ZFYVE16: variants seen among roughly 807,000 people sequenced by gnomAD.
ZFYVE16 encodes the protein zinc finger FYVE-type containing 16.
ZFYVE16 carries 89 observed loss-of-function variants against 138.1 expected under a neutral mutation model. The observed-to-expected ratio is 0.64, with a 90% confidence interval of 0.54 to 0.77. ZFYVE16 has a LOEUF of 0.77. Among genes scored for constraint, ZFYVE16 ranks in the 30% least tolerant of loss-of-function variants. The probability of loss-of-function intolerance (pLI) is 0.00; values close to 1 mark genes in which losing one functional copy is unlikely to be tolerated. For missense variants in ZFYVE16, 1,793 were observed against 1,786.7 expected (o/e 1.00, Z -0.06); for synonymous variants, 596 against 618.3 (o/e 0.96, Z 0.53).
intron 1 of ZFYVE16, among the ~76,000 whole-genome samples, chr5:80,425,299 C>T (rs1400994525): frequency 3.9e-5 from 6 of 152,156 alleles, no homozygotes; most frequent in Admixed American, 3.9e-4. Context: ...CTCTTAAGCT[C>T]TGCCTAATTT....
chr5:80,413,756 G>A (rs1217677305), intron 1 of ZFYVE16, among the ~76,000 whole-genome samples: 2 of 152,164 alleles, frequency 1.3e-5, no homozygotes, highest in Non-Finnish European at 2.9e-5. Context: ...ATTGAGAAAG[G>A]CTGCTCCAGA....
chr5:80,437,512 G>A lies in ZFYVE16; in HGVS notation c.827G>A (p.Gly276Asp), dbSNP rs1410353346. ...CCATGTGGATTACTAAAAGATGTTG[G>A]CTTAGTAAAAGAGGAAGTAGATGTG... is the stretch of plus-strand genomic sequence containing the variant. ...SQPCGLLKDV[G>D]LVKEEVDVAV... The change falls in exon 4 of 19, where the codon GGC (glycine) becomes GAC (aspartate). Residue 276 changes from glycine (G) to aspartate (D), a missense_variant. Gly to Asp is a moderately conservative substitution (Grantham distance 94, BLOSUM62 -1). Around this residue, in one of 2 missense-constraint regions of ZFYVE16, gnomAD observed 1,295 missense variants for 1,204.3 expected, o/e 1.08. Coordinates refer to ENST00000505560, the MANE Select transcript of ZFYVE16 (RefSeq NM_001284236.3). 3 of 1,613,248 alleles carry A rather than the reference G, an allele frequency of 1.9e-6. No homozygotes were observed. Among genetic ancestry groups the A allele is most frequent in the Non-Finnish European group, 2.5e-6 (3 of 1,179,824 alleles).
In ZFYVE16 at chr5:80,438,742, C is replaced by G; in HGVS notation, c.2057C>G (p.Pro686Arg). 1 of 1,614,092 alleles carries G rather than the reference C, an allele frequency of 6.2e-7. No homozygotes were observed. Among genetic ancestry groups the G allele is most frequent in the Non-Finnish European group, 8.5e-7 (1 of 1,179,974 alleles). ...CCCAGCACAGCAGATACCGTTGTTCCAATCACTTGTGCTATAGATTCTACA... is the reference window on the plus strand; with the variant it reads ...CCCAGCACAGCAGATACCGTTGTTCGAATCACTTGTGCTATAGATTCTACA... Reference protein sequence around the residue: ...SEPSTADTVVPITCAIDSTAD... With the variant: ...SEPSTADTVVRITCAIDSTAD... The change falls in exon 4 of 19, where the codon CCA (proline) becomes CGA (arginine). Residue 686 changes from proline to arginine, a missense_variant. Transcript: ENST00000505560.
Position 80,480,043 on chromosome 5 carries a change from AG to A in ZFYVE16, c.*2667del, listed in dbSNP as rs1426199110. On this transcript the variant is annotated 3_prime_UTR_variant, in exon 19 of 19. Coordinates refer to ENST00000505560, the MANE Select transcript of ZFYVE16 (RefSeq NM_001284236.3). ...AAAATGTAAATACTTTTCATGGAAA[AG>A]TAATTTCATTGTAGGCCTCAAATTA... 6.6e-6 allele frequency among the ~76,000 whole-genome samples: 1 copy of A among 152,178 alleles called. No individual in the cohort carries two copies. Among genetic ancestry groups the A allele is most frequent in the African/African-American group, 2.4e-5 (1 of 41,428 alleles).
At chr5:80,473,901 A>G (rs375268585) in intron 17 of ZFYVE16, 42 bp downstream of exon 17, 319 of 1,498,198 alleles carry the variant, frequency 2.1e-4, no homozygotes, top group Non-Finnish European at 2.9e-4. Flanking sequence ...GTGTTTCAAT[A>G]TGATTTTTGT....
intron 5 of ZFYVE16, chr5:80,441,422 CTT>C: frequency 1.0e-6 from 1 of 985,226 alleles, no homozygotes; most frequent in Non-Finnish European, 1.2e-6. Flanking sequence ...ATTTTGATGT[CTT>C]ATAGCATATA....
At chr5:80,424,484 C>CTTTTTT in intron 1 of ZFYVE16, among the ~76,000 whole-genome samples, 1 of 137,802 alleles carries the variant, frequency 7.3e-6, no homozygotes. Flanking sequence ...TTTTTTGAGA[C>CTTTTTT]AGGATCTTGC....
intron 1 of ZFYVE16, among the ~76,000 whole-genome samples, chr5:80,425,429 T>C (rs1459243748): frequency 2.6e-5 from 4 of 152,198 alleles, no homozygotes; most frequent in Admixed American, 2.6e-4. Flanking sequence ...TTATTGTCTT[T>C]TACTCCCGTT....
rs190918244 is a variant in ZFYVE16, at chr5:80,438,355, C to G, written c.1670C>G (p.Ser557Cys). The G allele has an allele frequency of 4.9e-5, 79 of 1,613,512 alleles. No homozygotes were observed. The African/African-American group carries it at 9.3e-4, about 19-fold the overall frequency. Residue 557 changes from serine to cysteine, a missense_variant, in exon 4 of 19, where the codon TCT (serine) becomes TGT (cysteine). Transcript: ENST00000505560. The part of the protein sequence containing the change: ...IKSFEENVND[S>C]KSQMNQIDMK... ...TCTTTTGAAGAAAATGTAAATGACT[C>G]TAAATCGCAAATGAATCAGATAGAT... is the stretch of plus-strand genomic sequence containing the variant.
intron 3 of ZFYVE16, 64 bp downstream of exon 3, chr5:80,434,281 A>C: frequency 3.9e-5 from 60 of 1,537,026 alleles, no homozygotes; most frequent in Non-Finnish European, 5.3e-5. Context: ...AAGTTATCTC[A>C]GGTATACAGT....
At chr5:80,474,436 C>T (rs1453827832) in intron 17 of ZFYVE16, among the ~76,000 whole-genome samples, 1 of 152,234 alleles carries the variant, frequency 6.6e-6, no homozygotes, top group African/African-American at 2.4e-5. Flanking sequence ...CCTTTCCTTG[C>T]TACAAATTAA....
intron 12 of ZFYVE16, 193 bp downstream of exon 12, chr5:80,455,967 T>G: frequency 1.9e-6 from 1 of 528,134 alleles, no homozygotes; most frequent in East Asian, 3.6e-5. Flanking sequence ...GAACGTACTA[T>G]CTCCTCATGT....
rs555022564 is a variant in ZFYVE16 at position 80,461,840 on chromosome 5, C to T, written c.4024+2346C>T. Among the ~76,000 whole-genome samples the T allele has an allele frequency of 1.4e-4, 22 of 152,044 alleles. No homozygotes were observed. The East Asian group carries it at 2.7e-3, about 19-fold the overall frequency. ...ACAAAAAGTTGGTCAGGCGTGGTGGCGGGCGCCTGTAATCCCAGCTACTCG... is the reference window on the plus strand; with the variant it reads ...ACAAAAAGTTGGTCAGGCGTGGTGGTGGGCGCCTGTAATCCCAGCTACTCG... On this transcript the variant is annotated intron_variant, in intron 15 of 18. Coordinates refer to ENST00000505560, the MANE Select transcript of ZFYVE16 (RefSeq NM_001284236.3).
intron 6 of ZFYVE16, chr5:80,443,660 A>T (rs1419886296): frequency 4.4e-6 from 2 of 452,504 alleles, no homozygotes; most frequent in African/African-American, 4.0e-5. Flanking sequence ...AGACCTCCAG[A>T]TTTGATGTTA....
intron 14 of ZFYVE16, among the ~76,000 whole-genome samples, chr5:80,459,130 G>A (rs1345141146): frequency 1.3e-5 from 2 of 152,126 alleles, no homozygotes; most frequent in African/African-American, 4.8e-5. Context: ...GTTTCACCAT[G>A]TTGGCCAGGC....
At chr5:80,439,599 C>G (rs1465808903) in intron 4 of ZFYVE16, among the ~76,000 whole-genome samples, 1 of 151,888 alleles carries the variant, frequency 6.6e-6, no homozygotes, top group Admixed American at 6.6e-5. Context: ...AACAAAATAA[C>G]ATTTTACTTT....
chr5:80,447,289 AAG>A (rs1561294799), intron 7 of ZFYVE16, among the ~76,000 whole-genome samples: 3 of 142,586 alleles, frequency 2.1e-5, no homozygotes, highest in African/African-American at 7.9e-5. Flanking sequence ...AAAAAAAAAA[AAG>A]AGAGAAAAGA....
intron 1 of ZFYVE16, chr5:80,411,911 C>G (rs563687441): frequency 5.5e-4 from 84 of 152,352 alleles, no homozygotes; most frequent in African/African-American, 1.9e-3. Context: ...AGCTTTCTCC[C>G]TTGCTTTCGG....
In ZFYVE16 at chr5:80,438,504, A is replaced by C; in HGVS notation, c.1819A>C (p.Asn607His). 1 of 1,613,680 alleles carries C rather than the reference A, an allele frequency of 6.2e-7. No individual in the cohort carries two copies. Among genetic ancestry groups the C allele is most frequent in the Non-Finnish European group, 8.5e-7 (1 of 1,179,826 alleles). ...AGTTGATAAACAAAATACAATAGAA[A>C]ATGGCCTTTCTTTAGGAGAAAAAAG... ...EIVDKQNTIE[N>H]GLSLGEKSTI... is the part of the protein sequence containing the mutation. Residue 607 changes from asparagine (N) to histidine (H), a missense_variant, in exon 4 of 19, where the codon AAT (asparagine) becomes CAT (histidine). Asn to His is a moderately conservative substitution (Grantham distance 68). Coordinates refer to ENST00000505560, the MANE Select transcript of ZFYVE16 (RefSeq NM_001284236.3).
Sources: allele counts gnomAD v4.1 joint callset (sites outside exome capture counted in the v4.1 genomes callset), GRCh38; gene constraint gnomAD v4.1.1; regional missense constraint gnomAD v4.1.1; transcripts MANE v1.5; gene names NCBI Gene and HGNC (gene_info 2026-07-23, HGNC 2026-07-21).